PRKN: variants seen among roughly 807,000 people sequenced by gnomAD.
PRKN encodes E3 ubiquitin-protein ligase parkin.
A neutral mutation model predicts 59.5 loss-of-function variants in PRKN; 56 were observed. That is an observed-to-expected ratio of 0.94 (90% CI 0.76 to 1.18). The LOEUF is 1.18. PRKN is among the 50% of genes most tolerant of loss of function. The pLI is 0.00. For synonymous variants in PRKN, 250 were observed against 222.1 expected, an observed-to-expected ratio of 1.13 and a Z score of -1.12; for missense variants, 657 against 596.4, an observed-to-expected ratio of 1.10 and a Z score of -1.06.
chr6:162,456,647 T>C (rs1435811979), intron 1 of PRKN, among the ~76,000 whole-genome samples: 2 of 152,190 alleles, frequency 1.3e-5, no homozygotes, highest in Admixed American at 6.5e-5. Flanking sequence ...TGCTGAATAC[T>C]AAAGCATTGT....
chr6:162,434,756 T>C (rs1439466431), intron 2 of PRKN, among the ~76,000 whole-genome samples: 1 of 152,168 alleles, frequency 6.6e-6, no homozygotes, highest in Non-Finnish European at 1.5e-5. Context: ...CATATATAAA[T>C]AGAAAATGAA....
chr6:162,107,820 A>T (rs1780257171), intron 4 of PRKN, among the ~76,000 whole-genome samples: 1 of 152,194 alleles, frequency 6.6e-6, no homozygotes, highest in South Asian at 2.1e-4. Flanking sequence ...CAGCTTTTCC[A>T]TAAACTTTTC....
In PRKN at chr6:161,444,177, C is replaced by T. The variant is rs1789382521; in HGVS notation, c.1084-57300G>A. On this transcript the variant is annotated intron_variant, in intron 9 of 11. Coordinates refer to ENST00000366898, the MANE Select transcript of PRKN (RefSeq NM_004562.3). The surrounding 1 kb of genome is among the most constrained non-coding windows in gnomAD (Gnocchi z 5.6). ...GTGGGAGCTGCAGATACCACTTCTC[C>T]AGGACCCATCCCAGGGCAGCTTCAT... Among the ~76,000 whole-genome samples the T allele has an allele frequency of 6.6e-6, 1 of 152,208 alleles. No individual in the cohort carries two copies. Among genetic ancestry groups the T allele is most frequent in the Admixed American group, 6.5e-5 (1 of 15,282 alleles).
intron 7 of PRKN, among the ~76,000 whole-genome samples, chr6:161,712,807 A>ACAAAAG (rs1372672034): frequency 5.3e-5 from 8 of 152,280 alleles, no homozygotes; most frequent in African/African-American, 1.9e-4. Context: ...AAAAACAAAA[A>ACAAAAG]CAAACTGTTT....
At chr6:162,387,977 C>A (rs10945825) in intron 2 of PRKN, among the ~76,000 whole-genome samples, 37,145 of 152,046 alleles carry the variant, frequency 0.24, 4,586 homozygotes, top group African/African-American at 0.26. Context: ...CAGACAAGGT[C>A]CTTGTAAAAC....
chr6:162,075,647 G>A (rs185653457), intron 4 of PRKN, among the ~76,000 whole-genome samples: 2 of 151,918 alleles, frequency 1.3e-5, no homozygotes, highest in East Asian at 1.9e-4. Context: ...CTCCAACAAC[G>A]TTTTGGAGTG....
At chr6:161,968,597 T>C (rs1032295392) in intron 6 of PRKN, among the ~76,000 whole-genome samples, 1 of 152,238 alleles carries the variant, frequency 6.6e-6, no homozygotes, top group Non-Finnish European at 1.5e-5. Flanking sequence ...AAATTAATAC[T>C]ATCCTCCGAT....
chr6:161,507,468 G>A (rs73782916), intron 9 of PRKN, among the ~76,000 whole-genome samples: 26,339 of 151,950 alleles, frequency 0.17, 2,948 homozygotes, highest in African/African-American at 0.32. Context: ...TTTAACCCTC[G>A]AAGGTGGCTA....
intron 7 of PRKN, among the ~76,000 whole-genome samples, chr6:161,680,239 G>A (rs1179343362): frequency 6.6e-6 from 1 of 152,204 alleles, no homozygotes; most frequent in African/African-American, 2.4e-5. Flanking sequence ...CTTGGTATTT[G>A]TGATGAATTA....
At chr6:161,966,905 C>T (rs994681172) in intron 6 of PRKN, among the ~76,000 whole-genome samples, 3 of 152,226 alleles carry the variant, frequency 2.0e-5, no homozygotes, top group Non-Finnish European at 4.4e-5. Context: ...GATCTTGGCT[C>T]ACCACAACCT....
chr6:161,884,976 CA>C (rs35244761), intron 6 of PRKN, among the ~76,000 whole-genome samples: 40,180 of 133,340 alleles, frequency 0.3, 5,843 homozygotes, highest in African/African-American at 0.43. Flanking sequence ...ACTTTATTTA[CA>C]AAAAAAAAAA....
chr6:161,592,647 A>C lies in PRKN; in HGVS notation c.872-23231T>G, dbSNP rs181887926. Among the ~76,000 whole-genome samples the C allele has an allele frequency of 1.9e-3, 288 of 152,282 alleles. No homozygotes were observed. Among genetic ancestry groups the C allele is most frequent in the African/African-American group, 6.6e-3 (273 of 41,570 alleles). ...GAGAAAACCCTAAGGGCTATGGAGA[A>C]AGATGAAGCAGGGAAACTGTTGGAG... On this transcript the variant is annotated intron_variant, in intron 7 of 11. Coordinates refer to ENST00000366898, the MANE Select transcript of PRKN (RefSeq NM_004562.3). The surrounding 1 kb of genome is among the most constrained non-coding windows in gnomAD (Gnocchi z 4.8).
intron 6 of PRKN, among the ~76,000 whole-genome samples, chr6:161,811,062 A>G (rs1791537830): frequency 6.6e-6 from 1 of 152,214 alleles, no homozygotes; most frequent in African/African-American, 2.4e-5. Flanking sequence ...TTGAAATATC[A>G]TCAAAGTTTT....
intron 7 of PRKN, among the ~76,000 whole-genome samples, chr6:161,605,634 C>T (rs942388261): frequency 1.3e-5 from 2 of 151,900 alleles, no homozygotes; most frequent in South Asian, 2.1e-4. Context: ...GCCTCAGCCT[C>T]CCAAGTAGCT....
chr6:162,493,778 ACTGATAACC>A (rs1792928809), intron 1 of PRKN, among the ~76,000 whole-genome samples: 9 of 152,284 alleles, frequency 5.9e-5, no homozygotes, highest in Middle Eastern at 3.4e-3. Context: ...TAGATTATCC[ACTGATAACC>A]CCACACCATC....
intron 2 of PRKN, among the ~76,000 whole-genome samples, chr6:162,302,974 AC>A (rs1442463371): frequency 1.1e-4 from 16 of 151,094 alleles, no homozygotes; most frequent in African/African-American, 3.9e-4. Context: ...ACACACACAC[AC>A]ACACACACAC....
At chr6:162,314,903 C>T (rs980795624) in intron 2 of PRKN, among the ~76,000 whole-genome samples, 1 of 152,096 alleles carries the variant, frequency 6.6e-6, no homozygotes, top group African/African-American at 2.4e-5. Flanking sequence ...GGAACTACTG[C>T]CAAGGAAGGT....
intron 5 of PRKN, among the ~76,000 whole-genome samples, chr6:162,046,915 A>AC (rs398110902): frequency 2.6e-5 from 4 of 151,452 alleles, no homozygotes; most frequent in Non-Finnish European, 5.9e-5. Flanking sequence ...AAAAAAAAAA[A>AC]CAAGAAATTT....
intron 7 of PRKN, among the ~76,000 whole-genome samples, chr6:161,689,195 C>T (rs1785679465): frequency 3.6e-5 from 1 of 27,526 alleles, no homozygotes; most frequent in East Asian, 1.4e-3. Flanking sequence ...TACACACACA[C>T]ACACACACAC....
Sources: gnomAD v4.1 joint callset for allele counts (sites outside exome capture counted in the v4.1 genomes callset) on GRCh38, gnomAD v4.1.1 for gene constraint, Gnocchi (gnomAD v3.1) non-coding constraint, MANE v1.5 for transcripts, NCBI Gene and HGNC (gene_info 2026-07-23, HGNC 2026-07-21) for gene names.